ARSG: variants seen among roughly 807,000 people sequenced by gnomAD.
The protein encoded by ARSG is arylsulfatase G.
A neutral mutation model predicts 50.5 loss-of-function variants in ARSG; 37 were observed. That is an observed-to-expected ratio of 0.73 (90% CI 0.56 to 0.96). ARSG has a LOEUF of 0.96. ARSG is among the 50% of genes least tolerant of loss of function. ARSG has a pLI of 0.00. For missense variants in ARSG, 629 were observed against 675.3 expected (o/e 0.93, Z 0.76); for synonymous variants, 225 against 254.6 (o/e 0.88, Z 1.11).
intron 1 of ARSG, among the ~76,000 whole-genome samples, chr17:68,261,591 C>A (rs781931423): frequency 6.6e-6 from 1 of 152,032 alleles, no homozygotes; most frequent in Non-Finnish European, 1.5e-5. Flanking sequence ...GTTGACCAGG[C>A]TAGTCTCAAA....
At chr17:68,443,512 C>T in the ARSG span, among the ~76,000 whole-genome samples, 1 of 152,188 alleles carries the variant, frequency 6.6e-6, no homozygotes, top group Non-Finnish European at 1.5e-5. Context: ...GAAGAGAAGG[C>T]ATCAGAAGTA....
At chr17:68,346,684 G>C (rs1441068525) in intron 3 of ARSG, 7 of 1,198,974 alleles carry the variant, frequency 5.8e-6, no homozygotes, top group Non-Finnish European at 7.4e-6. Context: ...TGGCCAGAGA[G>C]GAAGATGATG....
At chr17:68,267,650 T>C (rs2075199619) in intron 1 of ARSG, 1 of 152,182 alleles carries the variant, frequency 6.6e-6, no homozygotes. Flanking sequence ...GAGATTGTGG[T>C]AAAATAGGTG....
rs782161721 is a variant in ARSG at position 68,271,314 on chromosome 17, C to T, written c.-552+11888C>T. On this transcript the variant is annotated intron_variant, in intron 1 of 11. Coordinates refer to the ARSG transcript ENST00000448504. The surrounding 1 kb of genome is among the most constrained non-coding windows in gnomAD (Gnocchi z 5.3). ...CTTTCAAAATGGAGAAGTCTAATAG[C>T]GGGGCTTTCTTTTCGCTTGGCCTGG... 8.7e-6 allele frequency: 14 copies of T among 1,614,190 alleles called. No individual in the cohort carries two copies. The highest frequency in any genetic ancestry group is 1.3e-5 in the African/African-American group (1 of 75,046).
At chr17:68,279,884 T>A (rs2075637248) in intron 1 of ARSG, among the ~76,000 whole-genome samples, 1 of 152,086 alleles carries the variant, frequency 6.6e-6, no homozygotes, top group Admixed American at 6.6e-5. Context: ...CAACTTCAAG[T>A]TTAAGAATTC....
intron 9 of ARSG, among the ~76,000 whole-genome samples, chr17:68,387,292 C>A (rs1349499895): frequency 6.6e-6 from 1 of 151,996 alleles, no homozygotes; most frequent in African/African-American, 2.4e-5. Context: ...CTATGCCTGG[C>A]TAATTTTTTA....
At chr17:68,390,712 C>T (rs2080951773) in intron 9 of ARSG, among the ~76,000 whole-genome samples, 3 of 152,180 alleles carry the variant, frequency 2.0e-5, no homozygotes, top group Admixed American at 1.3e-4. Context: ...CAACCTCCAC[C>T]TCCTGGGTTC....
intron 6 of ARSG, among the ~76,000 whole-genome samples, chr17:68,360,803 G>C (rs1340001752): frequency 6.6e-6 from 1 of 152,094 alleles, no homozygotes; most frequent in Admixed American, 6.5e-5. Context: ...CAGCGGCCCA[G>C]CATGTTTGAA....
the ARSG span, among the ~76,000 whole-genome samples, chr17:68,438,825 C>A: frequency 6.6e-6 from 1 of 152,214 alleles, no homozygotes; most frequent in Non-Finnish European, 1.5e-5. Flanking sequence ...GTCTCGAACT[C>A]GTGACCTCAG....
Position 68,341,342 on chromosome 17 carries a change from A to G in ARSG, c.219-2262A>G, listed in dbSNP as rs137931856. Among the ~76,000 whole-genome samples, 371 of 152,340 alleles carry G rather than the reference A, an allele frequency of 2.4e-3. 1 individual carries two copies. Among genetic ancestry groups the G allele is most frequent in the Non-Finnish European group, 4.0e-3 (270 of 68,024 alleles). On this transcript the variant is annotated intron_variant, in intron 2 of 11. Transcript: ENST00000621439. Reference sequence around the variant, plus strand: ...CCATGTCAAACGTTTACAAGGTACGAAAGTCAAACTGTATAACAACATAGT... The same window carrying G: ...CCATGTCAAACGTTTACAAGGTACGGAAGTCAAACTGTATAACAACATAGT...
chr17:68,341,269 T>C (rs776791147), intron 2 of ARSG, among the ~76,000 whole-genome samples: 1 of 152,228 alleles, frequency 6.6e-6, no homozygotes. Context: ...TGTTTTTTAA[T>C]TATAGGGTCT....
intron 7 of ARSG, 135 bp downstream of exon 7, chr17:68,368,879 A>G: frequency 9.8e-7 from 1 of 1,019,104 alleles, no homozygotes; most frequent in Non-Finnish European, 1.4e-6. Context: ...TGGCCCAGAT[A>G]AGGCTTGCTG....
chr17:68,337,446 A>G (rs577173372), intron 2 of ARSG, among the ~76,000 whole-genome samples: 3 of 152,060 alleles, frequency 2.0e-5, no homozygotes, highest in Non-Finnish European at 4.4e-5. Context: ...AGACAGGCCC[A>G]CAGTGGAGGG....
chr17:68,347,027 C>CGAAGCTAATGGAGAGCTGAGGT, intron 3 of ARSG, 98 bp from the exon 4 acceptor site: 9 of 1,571,946 alleles, frequency 5.7e-6, no homozygotes, highest in Non-Finnish European at 7.8e-6. Flanking sequence ...CAGTGCGAGG[C>CGAAGCTAATGGAGAGCTGAGGT]GAAGCTAATG....
At chr17:68,302,031 G>A (rs1454627753) in intron 1 of ARSG, among the ~76,000 whole-genome samples, 3 of 152,128 alleles carry the variant, frequency 2.0e-5, no homozygotes, top group African/African-American at 7.2e-5. Flanking sequence ...TGTCAAAAAA[G>A]TAAGTGGTGT....
At chr17:68,387,467 C>T (rs35722605) in intron 9 of ARSG, among the ~76,000 whole-genome samples, 28,194 of 152,122 alleles carry the variant, frequency 0.19, 2,687 homozygotes, top group South Asian at 0.2. Flanking sequence ...TGGATTTCAG[C>T]CAGCCAGTTT....
At chr17:68,368,520 G>A (rs140079343) in intron 6 of ARSG, 28 bp from the exon 7 acceptor site, 6 of 1,608,422 alleles carry the variant, frequency 3.7e-6, no homozygotes, top group Non-Finnish European at 5.1e-6. Context: ...GCCTTCTGCA[G>A]AGTCACCTCT....
At chr17:68,411,676 C>A (rs899910422) in intron 11 of ARSG, among the ~76,000 whole-genome samples, 33 of 148,136 alleles carry the variant, frequency 2.2e-4, no homozygotes, top group African/African-American at 7.7e-4. Context: ...TCCTGGGTAT[C>A]CTTGTTGACT....
At chr17:68,287,014 G>A (rs540273984), upstream of ARSG, among the ~76,000 whole-genome samples, 4 of 151,858 alleles carry the variant, frequency 2.6e-5, no homozygotes, top group Admixed American at 6.6e-5. Flanking sequence ...ATGGAGTTTC[G>A]CTCTTGTTGC....
Sources: gnomAD v4.1 joint callset for allele counts (sites outside exome capture counted in the v4.1 genomes callset) on GRCh38, gnomAD v4.1.1 for gene constraint, Gnocchi (gnomAD v3.1) non-coding constraint, MANE v1.5 for transcripts, NCBI Gene and HGNC (gene_info 2026-07-23, HGNC 2026-07-21) for gene names.